The following CNTLN variants were observed in gnomAD, a reference collection of about 807,000 sequenced individuals.
The protein encoded by CNTLN is centlein.
CNTLN carries 212 observed loss-of-function variants against 180.0 expected under a neutral mutation model. The ratio of observed to expected loss-of-function variants is 1.18; its 90% CI spans 1.05 to 1.32. The LOEUF is 1.32. Ranked by LOEUF, CNTLN falls within the 40% of genes most tolerant of loss-of-function variation. The probability of loss-of-function intolerance (pLI) is 0.00; values close to 1 mark genes in which losing one functional copy is unlikely to be tolerated. For missense variants in CNTLN, 2,095 were observed against 1,610.9 expected, an observed-to-expected ratio of 1.30 and a Z score of -5.14; for synonymous variants, 722 against 563.1, an observed-to-expected ratio of 1.28 and a Z score of -3.99.
chr9:17,318,419 C>G (rs1017944926), intron 8 of CNTLN, among the ~76,000 whole-genome samples: 11 of 152,262 alleles, frequency 7.2e-5, no homozygotes, highest in African/African-American at 2.6e-4. Flanking sequence ...ACAAATTTAA[C>G]AGGCAATTGT....
chr9:17,352,461 C>T (rs1184214357), intron 12 of CNTLN, among the ~76,000 whole-genome samples: 4 of 145,578 alleles, frequency 2.7e-5, no homozygotes, highest in Non-Finnish European at 4.5e-5. Flanking sequence ...TTAGGAACTG[C>T]ATTTTTCTGA....
At chr9:17,303,589 GC>G (rs1314944444) in intron 7 of CNTLN, among the ~76,000 whole-genome samples, 1 of 151,864 alleles carries the variant, frequency 6.6e-6, no homozygotes, top group African/African-American at 2.4e-5. Context: ...GTTGTGTAGT[GC>G]AGGATTTTAA....
chr9:17,405,326 C>G (rs7856685), intron 15 of CNTLN, among the ~76,000 whole-genome samples: 1 of 151,574 alleles, frequency 6.6e-6, no homozygotes, highest in Non-Finnish European at 1.5e-5. Flanking sequence ...ACAACACACA[C>G]AAAAAAATAC....
At chr9:17,384,980 CCCAGGTTT>C (rs1825576272) in intron 13 of CNTLN, among the ~76,000 whole-genome samples, 1 of 152,216 alleles carries the variant, frequency 6.6e-6, no homozygotes, top group Non-Finnish European at 1.5e-5. Flanking sequence ...AGTCACAAGT[CCCAGGTTT>C]CCACCTGTAT....
At chr9:17,311,937 C>G (rs1819164390) in intron 8 of CNTLN, among the ~76,000 whole-genome samples, 1 of 152,056 alleles carries the variant, frequency 6.6e-6, no homozygotes, top group Admixed American at 6.6e-5. Context: ...TGATTTAAGA[C>G]TTATTTATTG....
rs752603472 is a variant in CNTLN, at chr9:17,249,704, T to C, written c.849+13116T>C. ...GTATTTTCCTTTTTCCCTTCTGCTG[T>C]GGATTTCTAGCTTCATTCCATTTTA... On this transcript the variant is annotated intron_variant, in intron 5 of 25. Transcript: ENST00000380647. Among the ~76,000 whole-genome samples, 17 of 152,038 alleles carry C rather than the reference T, an allele frequency of 1.1e-4. No individual in the cohort carries two copies. In the South Asian group the frequency reaches 1.5e-3, roughly 13 times the overall value.
intron 18 of CNTLN, among the ~76,000 whole-genome samples, chr9:17,446,961 CATT>C (rs1293145243): frequency 6.6e-6 from 1 of 152,178 alleles, no homozygotes; most frequent in Non-Finnish European, 1.5e-5. Flanking sequence ...ATAACTCAGT[CATT>C]ATAATTGTAC....
chr9:17,383,587 A>G (rs567963477), intron 13 of CNTLN, among the ~76,000 whole-genome samples: 9 of 152,288 alleles, frequency 5.9e-5, no homozygotes, highest in African/African-American at 1.9e-4. Context: ...GAATATAGAG[A>G]AATATTAAAG....
intron 15 of CNTLN, among the ~76,000 whole-genome samples, chr9:17,404,830 T>C (rs1377171129): frequency 6.7e-6 from 1 of 149,932 alleles, no homozygotes; most frequent in African/African-American, 2.5e-5. Context: ...CTCCACCTCC[T>C]GGGCGCAAAC....
intron 18 of CNTLN, among the ~76,000 whole-genome samples, chr9:17,418,641 A>G (rs189819670): frequency 6.6e-6 from 1 of 151,966 alleles, no homozygotes; most frequent in Non-Finnish European, 1.5e-5. Flanking sequence ...TAAATATTCT[A>G]ATTTAATTAT....
chr9:17,495,070 G>T (rs1833380163), intron 25 of CNTLN: 1 of 365,940 alleles, frequency 2.7e-6, no homozygotes, highest in Non-Finnish European at 5.4e-6. Context: ...TGCAGAGATT[G>T]GGTTTTGCCA....
Position 17,169,755 on chromosome 9 carries a change from T to G in CNTLN, c.449+26379T>G, listed in dbSNP as rs190128831. Among the ~76,000 whole-genome samples, 242 of 152,322 alleles carry G rather than the reference T, an allele frequency of 1.6e-3. 1 individual carries two copies. The highest frequency in any genetic ancestry group is 5.6e-3 in the African/African-American group (233 of 41,582). Reference sequence around the variant, plus strand: ...GATTCTCTATTCTGTTCAATTGGTCTGTTTATCTGTGTTTATGCCAGTACC... The same window carrying G: ...GATTCTCTATTCTGTTCAATTGGTCGGTTTATCTGTGTTTATGCCAGTACC... On this transcript the variant is annotated intron_variant, in intron 2 of 25. Transcript: ENST00000380647.
chr9:17,400,672 G>T (rs143908480), intron 15 of CNTLN, among the ~76,000 whole-genome samples: 1 of 152,056 alleles, frequency 6.6e-6, no homozygotes, highest in Non-Finnish European at 1.5e-5. Flanking sequence ...CCTAAAACAT[G>T]TTCAGTACTG....
chr9:17,348,350 C>G (rs768501448), intron 12 of CNTLN, among the ~76,000 whole-genome samples: 2 of 152,160 alleles, frequency 1.3e-5, no homozygotes, highest in Non-Finnish European at 2.9e-5. Context: ...TAGCAGGCCT[C>G]TGATGATATC....
At chr9:17,495,564 A>T (rs1045010896) in intron 25 of CNTLN, among the ~76,000 whole-genome samples, 2 of 152,228 alleles carry the variant, frequency 1.3e-5, no homozygotes, top group African/African-American at 4.8e-5. Flanking sequence ...AAGTGTTCTT[A>T]CATGAGTCAA....
intron 2 of CNTLN, among the ~76,000 whole-genome samples, chr9:17,183,776 C>G (rs1354279192): frequency 6.6e-6 from 1 of 152,016 alleles, no homozygotes; most frequent in Non-Finnish European, 1.5e-5. Context: ...ACATGAAATA[C>G]ACTTCTGCAT....
At chr9:17,338,712 A>T (rs971426547) in intron 10 of CNTLN, among the ~76,000 whole-genome samples, 2 of 152,166 alleles carry the variant, frequency 1.3e-5, no homozygotes, top group African/African-American at 4.8e-5. Flanking sequence ...TTGGATTGTT[A>T]ACCAAATTAA....
rs201101465 is a variant in CNTLN, at chr9:17,285,251, C to T, written c.983+11385C>T. Among the ~76,000 whole-genome samples the T allele has an allele frequency of 5.3e-3, 790 of 147,928 alleles. 5 individuals are homozygous for T. Among genetic ancestry groups the T allele is most frequent in the Admixed American group, 8.4e-3 (122 of 14,562 alleles). On this transcript the variant is annotated intron_variant, in intron 6 of 25. Coordinates refer to ENST00000380647, the MANE Select transcript of CNTLN (RefSeq NM_017738.4). ...TTCCCACCTATGAGTGAGTATATGC[C>T]GTGTTTGGTTTTTTGTTCTTGTGAT...
intron 12 of CNTLN, among the ~76,000 whole-genome samples, chr9:17,361,351 G>C (rs1421119138): frequency 6.6e-6 from 1 of 152,024 alleles, no homozygotes; most frequent in Admixed American, 6.6e-5. Context: ...CTACTCATTA[G>C]AATGACCCAT....
Sources: gnomAD v4.1 joint callset for allele counts (sites outside exome capture counted in the v4.1 genomes callset) on GRCh38, gnomAD v4.1.1 for gene constraint, MANE v1.5 for transcripts, NCBI Gene and HGNC (gene_info 2026-07-23, HGNC 2026-07-21) for gene names.